Variants in CFAP20DC observed in about 807,000 individuals in gnomAD.
CFAP20DC encodes the protein CFAP20 domain containing, also known as protein CFAP20DC.
In CFAP20DC, 84 loss-of-function variants were observed where a neutral mutation model predicts 101.7. The ratio of observed to expected loss-of-function variants is 0.83; its 90% CI spans 0.69 to 0.99. CFAP20DC has a LOEUF of 0.99. Ranked by LOEUF, CFAP20DC falls within the 50% of genes least tolerant of loss-of-function variation. The pLI, the probability that CFAP20DC is intolerant of heterozygous loss-of-function variation, is 0.00. For synonymous variants in CFAP20DC, 359 were observed against 351.2 expected (o/e 1.02, Z -0.25); for missense variants, 1,007 against 970.3 (o/e 1.04, Z -0.50).
chr3:58,807,347 C>G (rs56792158), intron 14 of CFAP20DC, among the ~76,000 whole-genome samples: 5 of 152,118 alleles, frequency 3.3e-5, no homozygotes, highest in Admixed American at 3.3e-4. Flanking sequence ...TTCACACGGG[C>G]GGGTACTCCT....
intron 14 of CFAP20DC, among the ~76,000 whole-genome samples, chr3:58,820,714 C>G (rs2075569066): frequency 6.7e-6 from 1 of 148,862 alleles, no homozygotes; most frequent in Non-Finnish European, 1.5e-5. Flanking sequence ...AATGGCCATA[C>G]TGCCCAAGGT....
intron 15 of CFAP20DC, among the ~76,000 whole-genome samples, chr3:58,773,780 G>T (rs2107517118): frequency 6.6e-6 from 1 of 152,174 alleles, no homozygotes; most frequent in Non-Finnish European, 1.5e-5. Context: ...TAAAAATAAT[G>T]GTTCCTGGGC....
chr3:59,046,072 C>T (rs1164903220), intron 3 of CFAP20DC, among the ~76,000 whole-genome samples, 157 bp downstream of exon 3: 34 of 151,676 alleles, frequency 2.2e-4, no homozygotes, highest in Admixed American at 2.2e-3. Flanking sequence ...AGCATAGTGC[C>T]TAGCATAGTT....
In CFAP20DC at chr3:58,914,767, T is replaced by A. The variant is rs919238770; in HGVS notation, c.394-903A>T. On this transcript the variant is annotated intron_variant, in intron 5 of 16. Transcript: ENST00000482387. This position sits in a 1 kb window ranked among gnomAD's most constrained non-coding sequence, Gnocchi z 4.9. ...TTTTAATATGGAGGTGAACCTTAGG[T>A]TGCTTCCACAGTAGAAAAAGTAAAA... 8 of 151,724 alleles carry A rather than the reference T, an allele frequency of 5.3e-5. No homozygotes were observed. Among genetic ancestry groups the A allele is most frequent in the African/African-American group, 1.7e-4 (7 of 41,408 alleles). The allele number at this position is 151,724 out of a possible 1,614,324, so 9.4% of individuals were successfully genotyped here.
At chr3:58,949,260 A>AG (rs1388453668) in intron 4 of CFAP20DC, among the ~76,000 whole-genome samples, 1 of 151,994 alleles carries the variant, frequency 6.6e-6, no homozygotes, top group African/African-American at 2.4e-5. Flanking sequence ...GATTTTTTGA[A>AG]GGTTTTTTTT....
intron 5 of CFAP20DC, among the ~76,000 whole-genome samples, chr3:58,935,661 C>T (rs1040992309): frequency 6.6e-6 from 1 of 152,012 alleles, no homozygotes; most frequent in African/African-American, 2.4e-5. Context: ...CTGAGAAAAA[C>T]AGCAATGGGG....
At chr3:58,997,307 A>G (rs1046844353) in intron 4 of CFAP20DC, among the ~76,000 whole-genome samples, 2 of 152,252 alleles carry the variant, frequency 1.3e-5, no homozygotes, top group African/African-American at 4.8e-5. Context: ...ATAGATGAGA[A>G]AAATGGAAGC....
At chr3:59,010,025 C>T (rs2093544104) in intron 4 of CFAP20DC, among the ~76,000 whole-genome samples, 2 of 152,046 alleles carry the variant, frequency 1.3e-5, no homozygotes, top group South Asian at 4.1e-4. Flanking sequence ...TTCACCACTA[C>T]CAACCCAGTA....
intron 5 of CFAP20DC, among the ~76,000 whole-genome samples, chr3:58,915,251 T>A (rs141989484): frequency 6.6e-6 from 1 of 151,958 alleles, no homozygotes; most frequent in Non-Finnish European, 1.5e-5. Flanking sequence ...GAGGGCTGGC[T>A]AGGAAGCTTA....
chr3:58,816,902 G>T (rs200704521), intron 14 of CFAP20DC, among the ~76,000 whole-genome samples: 7 of 152,180 alleles, frequency 4.6e-5, no homozygotes, highest in South Asian at 2.1e-4. Context: ...CTGACAGCTT[G>T]GAAGAGAGCA....
At chr3:58,763,290 A>T (rs965988752) in intron 15 of CFAP20DC, among the ~76,000 whole-genome samples, 60 of 152,114 alleles carry the variant, frequency 3.9e-4, no homozygotes, top group Middle Eastern at 3.4e-3. Flanking sequence ...CATTCATTTG[A>T]TCTTCCATCA....
Position 58,732,560 on chromosome 3 carries a change from A to T in CFAP20DC, c.198-14932T>A, listed in dbSNP as rs1343023724. On this transcript the variant is annotated intron_variant, in intron 3 of 3. Transcript: ENST00000486145. The surrounding 1 kb of genome is among the most constrained non-coding windows in gnomAD (Gnocchi z 5.4). ...CACACTATTTTAGAGGCTGACATGT[A>T]CAGTTCTTTTTCCAGCTCAGTATTG... is the stretch of plus-strand genomic sequence containing the variant. 6.6e-6 allele frequency among the ~76,000 whole-genome samples: 1 copy of T among 152,208 alleles called. No homozygotes were observed. The highest frequency in any genetic ancestry group is 1.5e-5 in the Non-Finnish European group (1 of 68,038).
chr3:59,009,333 TG>T (rs2093523426), intron 4 of CFAP20DC, among the ~76,000 whole-genome samples: 1 of 152,050 alleles, frequency 6.6e-6, no homozygotes, highest in South Asian at 2.1e-4. Context: ...TAGAAATCTC[TG>T]AATTGCCAGA....
chr3:58,943,237 C>T (rs567661814), intron 4 of CFAP20DC, among the ~76,000 whole-genome samples: 16 of 152,298 alleles, frequency 1.1e-4, no homozygotes, highest in African/African-American at 2.6e-4. Context: ...AAGGGACAGA[C>T]GCCTCAAGTG....
intron 15 of CFAP20DC, among the ~76,000 whole-genome samples, chr3:58,779,092 G>A (rs2071600404): frequency 6.6e-6 from 1 of 152,064 alleles, no homozygotes; most frequent in South Asian, 2.1e-4. Context: ...CATAGGAACA[G>A]GATAATTATT....
rs180871815 is a variant in CFAP20DC at position 58,962,804 on chromosome 3, C to T, written c.279-25042G>A. 2.2e-4 allele frequency among the ~76,000 whole-genome samples: 33 copies of T among 152,228 alleles called. No individual in the cohort carries two copies. The East Asian group carries it at 5.6e-3, about 26-fold the overall frequency. ...ACCAGAAATGTGTTGATAGCAAAGG[C>T]TCTTTTCAGTCTCTCCAGAATGTGA... On this transcript the variant is annotated intron_variant, in intron 4 of 16. Transcript: ENST00000482387.
intron 4 of CFAP20DC, chr3:59,018,699 A>T (rs2093739664): frequency 6.6e-6 from 1 of 152,166 alleles, no homozygotes; most frequent in Non-Finnish European, 1.5e-5. Context: ...TAATGGAGAC[A>T]AGTGAAAACT....
chr3:58,970,332 C>T (rs1461761986), intron 4 of CFAP20DC: 1 of 152,102 alleles, frequency 6.6e-6, no homozygotes, highest in Non-Finnish European at 1.5e-5. Flanking sequence ...GGGCTTAAAT[C>T]CAATGACTGG....
rs889926450 is a variant in CFAP20DC at position 59,050,009 on chromosome 3, C to CG, written c.-379dup. ...GGAAAAGCGGGCGCGCTCCCGCTGC[C>CG]GCCCCACCCCAGAATCAAACCGCGA... On this transcript the variant is annotated 5_prime_UTR_variant, in exon 1 of 17. Coordinates refer to ENST00000482387, the MANE Select transcript of CFAP20DC (RefSeq NM_001394063.1). The CG allele has an allele frequency of 4.4e-6, 1 of 227,456 alleles. No individual in the cohort carries two copies. The highest frequency in any genetic ancestry group is 2.3e-5 in the African/African-American group (1 of 43,544). The allele number at this position is 227,456 out of a possible 1,614,324, so 14.1% of individuals were successfully genotyped here. A position where few individuals can be genotyped will look rare whatever the true frequency, so the allele number is the denominator to read the frequency against.
Sources: gnomAD v4.1 joint callset for allele counts (sites outside exome capture counted in the v4.1 genomes callset) on GRCh38, gnomAD v4.1.1 for gene constraint, Gnocchi (gnomAD v3.1) non-coding constraint, MANE v1.5 for transcripts, NCBI Gene and HGNC (gene_info 2026-07-23, HGNC 2026-07-21) for gene names.